Variants in FBN2 observed in about 807,000 individuals in gnomAD.
FBN2 encodes fibrillin-2.
Under a neutral mutation model 355.6 loss-of-function variants are expected in FBN2, and 105 were observed. The ratio of observed to expected loss-of-function variants is 0.30; its 90% CI spans 0.25 to 0.35. The LOEUF is 0.35. FBN2 is among the 10% of genes least tolerant of loss of function. The probability of loss-of-function intolerance (pLI) is 1.00; values close to 1 mark genes in which losing one functional copy is unlikely to be tolerated. For synonymous variants in FBN2, 1,350 were observed against 1,301.2 expected (o/e 1.04, Z -0.81); for missense variants, 3,280 against 3,758.7 (o/e 0.87, Z 3.33).
intron 1 of FBN2, among the ~76,000 whole-genome samples, chr5:128,537,046 C>T (rs1756866810): frequency 6.6e-6 from 1 of 152,084 alleles, no homozygotes; most frequent in Admixed American, 6.5e-5. Flanking sequence ...CGCCTGCCGC[C>T]GGACATTCAG....
intron 6 of FBN2, among the ~76,000 whole-genome samples, chr5:128,463,652 A>G (rs989217620): frequency 1.3e-5 from 2 of 152,192 alleles, no homozygotes; most frequent in African/African-American, 4.8e-5. Context: ...TTATTATTCA[A>G]TGAACTAAAG....
intron 7 of FBN2, among the ~76,000 whole-genome samples, chr5:128,444,693 T>C (rs1457213031): frequency 2.0e-5 from 3 of 152,240 alleles, no homozygotes; most frequent in African/African-American, 4.8e-5. Flanking sequence ...CATAGGCAAG[T>C]GGTGAATAAA....
chr5:128,503,232 C>T (rs893114888), intron 5 of FBN2, among the ~76,000 whole-genome samples: 2 of 152,102 alleles, frequency 1.3e-5, no homozygotes, highest in African/African-American at 2.4e-5. Flanking sequence ...ATGAGGCCTC[C>T]CAGACATGTG....
chr5:128,305,089 CA>C lies in FBN2; in HGVS notation c.5675-8del. On this transcript the variant is annotated splice_region_variant and splice_polypyrimidine_tract_variant and intron_variant, in intron 44 of 64. Transcript: ENST00000262464. ...TCTAAACATTCATTGCGATCTAAAACAGAAAAAAATAAATGTTACATGTATC... is the reference window on the plus strand; with the variant it reads ...TCTAAACATTCATTGCGATCTAAAACGAAAAAAATAAATGTTACATGTATC... 1 of 1,571,456 alleles carries C rather than the reference CA, an allele frequency of 6.4e-7. No homozygotes were observed. The highest frequency in any genetic ancestry group is 1.1e-5 in the South Asian group (1 of 88,728).
chr5:128,403,471 A>T lies in FBN2; in HGVS notation c.1078+5203T>A, dbSNP rs539995983. Among the ~76,000 whole-genome samples, 35 of 152,286 alleles carry T rather than the reference A, an allele frequency of 2.3e-4. 1 individual carries two copies. In the South Asian group the frequency reaches 7.0e-3, roughly 31 times the overall value. On this transcript the variant is annotated intron_variant, in intron 8 of 64. Transcript: ENST00000262464. ...GGTCCTTTCTCACCCTGTGTACACA[A>T]TAGCAGCAGACACATTATCCTGCAC...
chr5:128,264,953 G>T (rs2126797097), intron 62 of FBN2, among the ~76,000 whole-genome samples: 1 of 152,270 alleles, frequency 6.6e-6, no homozygotes, highest in African/African-American at 2.4e-5. Context: ...GAACATTTTT[G>T]TATCATGATT....
At chr5:128,370,906 A>G (rs1180546180) in intron 15 of FBN2, among the ~76,000 whole-genome samples, 1 of 152,134 alleles carries the variant, frequency 6.6e-6, no homozygotes, top group African/African-American at 2.4e-5. Flanking sequence ...ACGGACATAA[A>G]CTTCCCAAAG....
chr5:128,344,997 G>A (rs760298937), intron 24 of FBN2, among the ~76,000 whole-genome samples: 1 of 152,114 alleles, frequency 6.6e-6, no homozygotes, highest in Non-Finnish European at 1.5e-5. Flanking sequence ...CACCACGCCC[G>A]GCCAAAGATT....
intron 34 of FBN2, among the ~76,000 whole-genome samples, chr5:128,324,616 TTTC>T (rs1301531284): frequency 6.7e-6 from 1 of 150,328 alleles, no homozygotes; most frequent in East Asian, 1.9e-4. Context: ...TTGTTTTCTT[TTTC>T]TTTTTTTTTT....
At chr5:128,373,816 C>G (rs1752010994) in intron 15 of FBN2, among the ~76,000 whole-genome samples, 1 of 152,042 alleles carries the variant, frequency 6.6e-6, no homozygotes. Context: ...TTCATGGGAT[C>G]AATTTGACAA....
Position 128,288,557 on chromosome 5 carries a change from T to C in FBN2, c.6638A>G (p.Asp2213Gly). The change falls in exon 53 of 65, where the codon GAT becomes GGT. Residue 2213 changes from aspartate to glycine, a missense_variant and splice_region_variant. This residue lies in a region of FBN2 where 2,284 missense variants were observed against 2,749.5 expected (regional missense o/e 0.83). Coordinates refer to ENST00000262464, the MANE Select transcript of FBN2 (RefSeq NM_001999.4). Reference sequence around the variant, plus strand: ...ATTGCCGATTGAACACTCATCAGTATCTGAAAAAGAAGAATAAGAAACTGC... The same window carrying C: ...ATTGCCGATTGAACACTCATCAGTACCTGAAAAAGAAGAATAAGAAACTGC... ...NLDYTGVRCV[D>G]TDECSIGNPC... 1.2e-6 allele frequency: 2 copies of C among 1,613,480 alleles called. No individual in the cohort carries two copies. Among genetic ancestry groups the C allele is most frequent in the Non-Finnish European group, 1.7e-6 (2 of 1,179,948 alleles).
intron 55 of FBN2, among the ~76,000 whole-genome samples, chr5:128,285,603 C>T (rs749399127): frequency 5.3e-5 from 8 of 151,988 alleles, no homozygotes; most frequent in Non-Finnish European, 1.2e-4. Context: ...CAACACCCAC[C>T]CCCACCACTC....
intron 5 of FBN2, among the ~76,000 whole-genome samples, chr5:128,500,991 C>T: frequency 6.6e-6 from 1 of 152,102 alleles, no homozygotes; most frequent in East Asian, 1.9e-4. Context: ...GCATTAAGCA[C>T]AAAGAACATA....
chr5:128,385,028 A>G (rs1374454907), intron 11 of FBN2, among the ~76,000 whole-genome samples: 5 of 152,112 alleles, frequency 3.3e-5, no homozygotes, highest in Non-Finnish European at 7.4e-5. Context: ...ATGGAGAAAG[A>G]TATGTTTTAC....
At chr5:128,537,168 C>G (rs1161541550) in intron 1 of FBN2, among the ~76,000 whole-genome samples, 182 bp downstream of exon 1, 2 of 151,690 alleles carry the variant, frequency 1.3e-5, no homozygotes, top group African/African-American at 4.9e-5. Flanking sequence ...CGCTGAGCTG[C>G]GGGGTTGGGA....
chr5:128,266,637 T>C (rs1765119083), intron 62 of FBN2, among the ~76,000 whole-genome samples: 1 of 152,180 alleles, frequency 6.6e-6, no homozygotes, highest in East Asian at 1.9e-4. Flanking sequence ...TGAAACACTT[T>C]GAAATTAAAT....
chr5:128,525,073 TCATA>T (rs769921199), intron 4 of FBN2, among the ~76,000 whole-genome samples: 13 of 152,104 alleles, frequency 8.5e-5, no homozygotes, highest in Non-Finnish European at 1.8e-4. Context: ...TGTACAACCC[TCATA>T]CATACATACA....
At chr5:128,354,324 G>A (rs1005441936) in intron 20 of FBN2, among the ~76,000 whole-genome samples, 4 of 152,178 alleles carry the variant, frequency 2.6e-5, no homozygotes, top group African/African-American at 9.7e-5. Flanking sequence ...GTCTGGCTCA[G>A]GCTGAGGGGG....
Position 128,376,805 on chromosome 5 carries a change from A to G in FBN2, c.1898T>C (p.Ile633Thr). ...TTNMCLNGMC[I>T]NEDGSFKCIC... ...GCACTTGAAGCTGCCATCTTCATTG[A>G]TGCACATTCCATTCAAACACATGTT... Residue 633 changes from isoleucine to threonine, a missense_variant, in exon 14 of 65, where the codon ATC becomes ACC. Ile to Thr is a moderately conservative substitution (Grantham distance 89, BLOSUM62 -1). Coordinates refer to ENST00000262464, the MANE Select transcript of FBN2 (RefSeq NM_001999.4). 1 of 1,613,542 alleles carries G rather than the reference A, an allele frequency of 6.2e-7. No homozygotes were observed.
Sources: allele counts gnomAD v4.1 joint callset (sites outside exome capture counted in the v4.1 genomes callset), GRCh38; gene constraint gnomAD v4.1.1; regional missense constraint gnomAD v4.1.1; transcripts MANE v1.5; gene names NCBI Gene and HGNC (gene_info 2026-07-23, HGNC 2026-07-21).